IQCJ: variants seen among roughly 807,000 people sequenced by gnomAD.
The protein encoded by IQCJ is IQ motif containing J.
IQCJ carries 9 observed loss-of-function variants against 11.0 expected under a neutral mutation model. The ratio of observed to expected loss-of-function variants is 0.82; its 90% CI spans 0.49 to 1.43. The LOEUF (loss-of-function observed/expected upper bound fraction) is 1.43, where lower values mean the gene tolerates loss of function less well. Among genes scored for constraint, IQCJ ranks in the 40% most tolerant of loss-of-function variants. IQCJ has a pLI of 0.00. For missense variants in IQCJ, 146 were observed against 133.2 expected (o/e 1.10, Z -0.47); for synonymous variants, 55 against 51.3 (o/e 1.07, Z -0.31).
At chr3:159,154,041 T>C (rs1721375862) in intron 1 of IQCJ, among the ~76,000 whole-genome samples, 1 of 152,212 alleles carries the variant, frequency 6.6e-6, no homozygotes. Flanking sequence ...ATAAATCCTG[T>C]TGTTTGCCAC....
intron 1 of IQCJ, among the ~76,000 whole-genome samples, chr3:159,233,669 A>G (rs2108159600): frequency 6.6e-6 from 1 of 152,290 alleles, no homozygotes; most frequent in East Asian, 1.9e-4. Context: ...GGCTCAAAGG[A>G]GTCACACAGC....
At chr3:159,262,286 T>C (rs1728256742) in intron 3 of IQCJ, among the ~76,000 whole-genome samples, 1 of 152,262 alleles carries the variant, frequency 6.6e-6, no homozygotes, top group Non-Finnish European at 1.5e-5. Context: ...TGATGAATTT[T>C]ATTATTAAGT....
intron 1 of IQCJ, among the ~76,000 whole-genome samples, chr3:159,130,824 G>A (rs960377251): frequency 2.0e-5 from 3 of 152,104 alleles, no homozygotes; most frequent in African/African-American, 7.2e-5. Context: ...GCATAATTTA[G>A]TCCGATTTAC....
At position 159,092,154 on chromosome 3, in the gene IQCJ, C is replaced by G. The variant is rs575234404; in HGVS notation, c.9+22713C>G. Among the ~76,000 whole-genome samples the G allele has an allele frequency of 2.0e-5, 3 of 151,936 alleles. No individual in the cohort carries two copies. The South Asian group carries it at 6.2e-4, about 32-fold the overall frequency. ...GGGGTCCACTTGACATTATCTGCTTCCTGATGAGTTGCAGTAAGATGAATA... is the reference window on the plus strand; with the variant it reads ...GGGGTCCACTTGACATTATCTGCTTGCTGATGAGTTGCAGTAAGATGAATA... On this transcript the variant is annotated intron_variant, in intron 1 of 3. Coordinates refer to ENST00000397832, the MANE Select transcript of IQCJ (RefSeq NM_001042706.3).
At chr3:159,234,513 T>C (rs1042689145) in intron 1 of IQCJ, among the ~76,000 whole-genome samples, 5 of 152,118 alleles carry the variant, frequency 3.3e-5, no homozygotes, top group African/African-American at 1.2e-4. Flanking sequence ...AGTTAAATTA[T>C]TGGAGATGGG....
intron 1 of IQCJ, among the ~76,000 whole-genome samples, chr3:159,187,732 G>A (rs1723452850): frequency 6.6e-6 from 1 of 152,232 alleles, no homozygotes; most frequent in African/African-American, 2.4e-5. Flanking sequence ...TGTGAGCTGT[G>A]TCTCACAGTG....
intron 1 of IQCJ, among the ~76,000 whole-genome samples, chr3:159,141,774 A>C (rs1331138070): frequency 6.6e-6 from 1 of 152,224 alleles, no homozygotes; most frequent in Non-Finnish European, 1.5e-5. Context: ...ACTATATGCA[A>C]GGTACTCTGA....
At chr3:159,166,880 G>A (rs80030399) in intron 1 of IQCJ, among the ~76,000 whole-genome samples, 5,729 of 152,234 alleles carry the variant, frequency 0.038, 354 homozygotes, top group African/African-American at 0.13. Flanking sequence ...GTTGGGAGTG[G>A]CCGCTGGTAA....
chr3:159,180,281 C>T (rs1487525157), intron 1 of IQCJ, among the ~76,000 whole-genome samples: 2 of 151,864 alleles, frequency 1.3e-5, no homozygotes, highest in African/African-American at 4.9e-5. Context: ...AAACTCAGGA[C>T]ATTTCTCTCT....
At chr3:159,201,392 C>A (rs772798730) in intron 1 of IQCJ, among the ~76,000 whole-genome samples, 1 of 151,944 alleles carries the variant, frequency 6.6e-6, no homozygotes, top group Non-Finnish European at 1.5e-5. Context: ...TAAACAAGCA[C>A]GTTAGTGGAG....
intron 1 of IQCJ, among the ~76,000 whole-genome samples, chr3:159,080,360 T>A (rs10513534): frequency 3.3e-5 from 5 of 151,872 alleles, no homozygotes; most frequent in Non-Finnish European, 7.4e-5. Flanking sequence ...ACTCTTCCAC[T>A]GTGGTTATCA....
intron 2 of IQCJ, 88 bp downstream of exon 2, chr3:159,245,995 AT>A: frequency 2.9e-6 from 3 of 1,017,568 alleles, no homozygotes; most frequent in Non-Finnish European, 4.3e-6. Flanking sequence ...AAGTAAGTAA[AT>A]TGGACAGTTT....
chr3:159,250,211 T>C (rs1727514794), intron 2 of IQCJ, among the ~76,000 whole-genome samples: 1 of 152,186 alleles, frequency 6.6e-6, no homozygotes. Context: ...CCAACAGGTA[T>C]TGGTAGTTTA....
At chr3:159,117,418 G>A (rs896559159) in intron 1 of IQCJ, among the ~76,000 whole-genome samples, 1 of 152,176 alleles carries the variant, frequency 6.6e-6, no homozygotes, top group Non-Finnish European at 1.5e-5. Flanking sequence ...AGATTCTGTG[G>A]TTCTCTGCCT....
chr3:159,145,179 G>C (rs749729400), intron 1 of IQCJ, among the ~76,000 whole-genome samples: 2 of 152,152 alleles, frequency 1.3e-5, no homozygotes, highest in Non-Finnish European at 2.9e-5. Flanking sequence ...AATAGTAGCT[G>C]AATTGATTTA....
At chr3:159,207,783 C>T (rs1024260999) in intron 1 of IQCJ, among the ~76,000 whole-genome samples, 4 of 152,204 alleles carry the variant, frequency 2.6e-5, no homozygotes, top group African/African-American at 9.7e-5. Context: ...CTAGCTCCAT[C>T]TGGTTGGTGT....
rs537004363 is a variant in IQCJ at position 159,087,318 on chromosome 3, G to A, written c.9+17877G>A. Among the ~76,000 whole-genome samples the A allele has an allele frequency of 3.9e-3, 595 of 151,270 alleles. 3 individuals are homozygous for A. The highest frequency in any genetic ancestry group is 6.3e-3 in the Non-Finnish European group (426 of 67,846). ...TTTGATGTGCTGCTGGATTTGTTTTGCCAGTATTTTATTGAGGATTTTTGC... is the reference window on the plus strand; with the variant it reads ...TTTGATGTGCTGCTGGATTTGTTTTACCAGTATTTTATTGAGGATTTTTGC... On this transcript the variant is annotated intron_variant, in intron 1 of 3. Transcript: ENST00000397832.
chr3:159,222,609 A>G (rs954888568), intron 1 of IQCJ, among the ~76,000 whole-genome samples: 8 of 152,160 alleles, frequency 5.3e-5, no homozygotes, highest in African/African-American at 1.2e-4. Context: ...AAATAGGTCT[A>G]GAGGTCTAAT....
At chr3:159,170,437 G>A (rs1234338789) in intron 1 of IQCJ, among the ~76,000 whole-genome samples, 1 of 152,090 alleles carries the variant, frequency 6.6e-6, no homozygotes, top group Non-Finnish European at 1.5e-5. Context: ...TGTCTAATTG[G>A]GGCAGTTCTA....
Sources: allele counts gnomAD v4.1 joint callset (sites outside exome capture counted in the v4.1 genomes callset), GRCh38; gene constraint gnomAD v4.1.1; transcripts MANE v1.5; gene names NCBI Gene and HGNC (gene_info 2026-07-23, HGNC 2026-07-21).